Variants in RARA observed in about 807,000 individuals in gnomAD.
RARA encodes PML-DDX5-RARA fusion.
In RARA, 5 loss-of-function variants were observed where a neutral mutation model predicts 42.8. The ratio of observed to expected loss-of-function variants is 0.12; its 90% CI spans 0.06 to 0.25. The LOEUF is 0.25. Among genes scored for constraint, RARA ranks in the 10% least tolerant of loss-of-function variants. RARA has a pLI of 1.00. For synonymous variants in RARA, 256 were observed against 259.5 expected (o/e 0.99, Z 0.13); for missense variants, 402 against 628.7 (o/e 0.64, Z 3.86).
chr17:40,329,785 TTGTC>T (rs1567750589), intron 1 of RARA, among the ~76,000 whole-genome samples: 1 of 152,238 alleles, frequency 6.6e-6, no homozygotes, highest in Non-Finnish European at 1.5e-5. Context: ...ATGTTTCTTT[TTGTC>T]TGTCTCTTTT....
intron 2 of RARA, among the ~76,000 whole-genome samples, chr17:40,337,994 AAAG>A (rs1018150496): frequency 2.2e-4 from 34 of 152,258 alleles, no homozygotes; most frequent in African/African-American, 8.2e-4. Context: ...GAGTCAGACA[AAAG>A]AACATGACAT....
intron 2 of RARA, chr17:40,342,512 G>A: frequency 7.6e-7 from 1 of 1,322,210 alleles, no homozygotes; most frequent in Non-Finnish European, 9.7e-7. Flanking sequence ...CTTTTCACCG[G>A]GACTGGCGGA....
chr17:40,336,526 C>T (rs1567753960), intron 2 of RARA, among the ~76,000 whole-genome samples: 1 of 152,006 alleles, frequency 6.6e-6, no homozygotes, highest in African/African-American at 2.4e-5. Context: ...GTAGCTGGGA[C>T]TACAGATGCA....
intron 2 of RARA, among the ~76,000 whole-genome samples, chr17:40,336,550 G>A (rs1007809886): frequency 2.6e-5 from 4 of 151,444 alleles, no homozygotes; most frequent in African/African-American, 4.8e-5. Context: ...CACCATGCCC[G>A]GCTAATTTTT....
At chr17:40,339,681 A>AATGCCTGTGGGTCCTT (rs2033969034) in intron 2 of RARA, among the ~76,000 whole-genome samples, 1 of 151,964 alleles carries the variant, frequency 6.6e-6, no homozygotes, top group Non-Finnish European at 1.5e-5. Flanking sequence ...CCCTACTTAG[A>AATGCCTGTGGGTCCTT]ATGCCTGTGG....
At position 40,351,669 on chromosome 17, in the gene RARA, G is replaced by A. The variant is rs2034458219; in HGVS notation, c.470-241G>A. 1.7e-6 allele frequency: 1 copy of A among 577,728 alleles called. No homozygotes were observed. The highest frequency in any genetic ancestry group is 3.1e-6 in the Non-Finnish European group (1 of 322,032). The allele number at this position is 577,728 out of a possible 1,614,324, so 35.8% of individuals were successfully genotyped here. A position where few individuals can be genotyped will look rare whatever the true frequency, so the allele number is the denominator to read the frequency against. On this transcript the variant is annotated intron_variant, in intron 4 of 8. Coordinates refer to ENST00000254066, the MANE Select transcript of RARA (RefSeq NM_000964.4). The surrounding 1 kb of genome is among the most constrained non-coding windows in gnomAD (Gnocchi z 4.1). ...CTGGCTATGGGGTGGGGTGGGGGGT[G>A]TGTGCAGGGCCACAGCTGTGCTCAT...
At chr17:40,324,546 A>G (rs1231892620) in intron 1 of RARA, among the ~76,000 whole-genome samples, 2 of 152,050 alleles carry the variant, frequency 1.3e-5, no homozygotes. Flanking sequence ...TAGAACCTGG[A>G]CTGCCCCGAG....
At position 40,320,571 on chromosome 17, in the gene RARA, T is replaced by C. The variant is rs1277331078; in HGVS notation, c.-362-10286T>C. Among the ~76,000 whole-genome samples, 1 of 152,216 alleles carries C rather than the reference T, an allele frequency of 6.6e-6. No homozygotes were observed. The highest frequency in any genetic ancestry group is 2.4e-5 in the African/African-American group (1 of 41,458). On this transcript the variant is annotated intron_variant, in intron 1 of 8. Coordinates refer to ENST00000254066, the MANE Select transcript of RARA (RefSeq NM_000964.4). The surrounding 1 kb of genome is among the most constrained non-coding windows in gnomAD (Gnocchi z 4.1). Reference sequence around the variant, plus strand: ...GAAGCTGACTCTGCCCTCTGGGACCTTTTCTTCCAGGCCACTCCTTGCTCA... The same window carrying C: ...GAAGCTGACTCTGCCCTCTGGGACCCTTTCTTCCAGGCCACTCCTTGCTCA...
intron 2 of RARA, among the ~76,000 whole-genome samples, chr17:40,344,244 G>A (rs1294452914): frequency 3.9e-5 from 6 of 151,972 alleles, no homozygotes; most frequent in Non-Finnish European, 8.8e-5. Flanking sequence ...TTTTCCTATT[G>A]TCCTGCCCCC....
At position 40,354,519 on chromosome 17, in the gene RARA, C is replaced by T. The variant is rs1184735284; in HGVS notation, c.1012+13C>T. ...CTCATCTGCGGAGGTGGGCAGGGGG[C>T]CTGGGTCTGGGGGCTGGGCTGGGAC... is the stretch of plus-strand genomic sequence containing the variant. On this transcript the variant is annotated intron_variant, in intron 7 of 8. Coordinates refer to ENST00000254066, the MANE Select transcript of RARA (RefSeq NM_000964.4). The surrounding 1 kb of genome is among the most constrained non-coding windows in gnomAD (Gnocchi z 4.5). The T allele has an allele frequency of 6.2e-7, 1 of 1,611,850 alleles. No individual in the cohort carries two copies. The highest frequency in any genetic ancestry group is 8.5e-7 in the Non-Finnish European group (1 of 1,179,314).
intron 1 of RARA, among the ~76,000 whole-genome samples, chr17:40,321,452 C>T (rs1230024791): frequency 2.6e-5 from 4 of 152,086 alleles, no homozygotes; most frequent in Non-Finnish European, 4.4e-5. Context: ...AAGAGGCAGG[C>T]AGACAGACCT....
intron 2 of RARA, chr17:40,341,028 T>G: frequency 2.5e-6 from 1 of 400,474 alleles, no homozygotes; most frequent in Non-Finnish European, 4.4e-6. Flanking sequence ...AGAATGTCCT[T>G]GGGTAGCATG....
At position 40,355,067 on chromosome 17, in the gene RARA, C is replaced by G. The variant is rs2034572943; in HGVS notation, c.1013-196C>G. 6.6e-6 allele frequency among the ~76,000 whole-genome samples: 1 copy of G among 152,200 alleles called. No individual in the cohort carries two copies. The highest frequency in any genetic ancestry group is 1.5e-5 in the Non-Finnish European group (1 of 68,042). ...GCTCAGGGAGGGTTTGGGGCACCCCCTCACCCTCAGCTCCCGTTGCTCCCT... is the reference window on the plus strand; with the variant it reads ...GCTCAGGGAGGGTTTGGGGCACCCCGTCACCCTCAGCTCCCGTTGCTCCCT... On this transcript the variant is annotated intron_variant, in intron 7 of 8. Transcript: ENST00000254066. This position sits in a 1 kb window ranked among gnomAD's most constrained non-coding sequence, Gnocchi z 4.1.
At position 40,351,956 on chromosome 17, in the gene RARA, C is replaced by G. The variant is rs543538391; in HGVS notation, c.516C>G (p.Pro172=). The G allele has an allele frequency of 6.2e-7, 1 of 1,612,294 alleles. No homozygotes were observed. The highest frequency in any genetic ancestry group is 1.1e-5 in the South Asian group (1 of 90,880). ...AGAAGAAGAAGGAGGTGCCCAAGCCCGAGTGCTCTGAGAGCTACACGCTGA... is the reference window on the plus strand; with the variant it reads ...AGAAGAAGAAGGAGGTGCCCAAGCCGGAGTGCTCTGAGAGCTACACGCTGA... ...RNKKKKEVPK[P]ECSESYTLTP... The change falls in exon 5 of 9, where the codon CCC becomes CCG. Residue 172 remains proline, a synonymous_variant. Transcript: ENST00000254066. This position sits in a 1 kb window ranked among gnomAD's most constrained non-coding sequence, Gnocchi z 4.1.
intron 1 of RARA, among the ~76,000 whole-genome samples, chr17:40,313,426 T>C (rs1182668404): frequency 6.6e-6 from 1 of 152,100 alleles, no homozygotes; most frequent in East Asian, 1.9e-4. Context: ...TGGAGAATTG[T>C]GGTCCCTCAG....
intron 4 of RARA, 27 bp downstream of exon 4, chr17:40,349,952 TC>T (rs2034389232): frequency 6.2e-7 from 1 of 1,610,744 alleles, no homozygotes; most frequent in African/African-American, 1.3e-5. Context: ...AGGGGCCGAG[TC>T]CCGCCTCAGT....
rs560547864 is a variant in RARA, at chr17:40,341,192, G to A, written c.179-7124G>A. On this transcript the variant is annotated intron_variant, in intron 2 of 8. Coordinates refer to ENST00000254066, the MANE Select transcript of RARA (RefSeq NM_000964.4). ...CTAGGATGAAGTAGTCCACTGGAAG[G>A]CACCAGCTCTTCCTTTTATCTCTCC... The A allele has an allele frequency of 2.5e-4, 146 of 583,954 alleles. No homozygotes were observed. In the South Asian group the frequency reaches 8.2e-3, roughly 33 times the overall value. The allele number at this position is 583,954 out of a possible 1,614,324, so 36.2% of individuals were successfully genotyped here.
At chr17:40,334,578 G>A (rs2033790582) in intron 2 of RARA, among the ~76,000 whole-genome samples, 1 of 152,218 alleles carries the variant, frequency 6.6e-6, no homozygotes, top group Non-Finnish European at 1.5e-5. Flanking sequence ...GATGGAGGCA[G>A]TTTAGCCTTC....
intron 2 of RARA, among the ~76,000 whole-genome samples, chr17:40,347,697 C>T (rs1264321834): frequency 6.6e-6 from 1 of 152,174 alleles, no homozygotes; most frequent in Admixed American, 6.5e-5. Flanking sequence ...GTATCTCCCC[C>T]TATCTCAGGG....
Sources: allele counts gnomAD v4.1 joint callset (sites outside exome capture counted in the v4.1 genomes callset), GRCh38; gene constraint gnomAD v4.1.1; non-coding constraint Gnocchi (gnomAD v3.1); transcripts MANE v1.5; gene names NCBI Gene and HGNC (gene_info 2026-07-23, HGNC 2026-07-21).